HUNK: variants seen among roughly 807,000 people sequenced by gnomAD.
The protein encoded by HUNK is hormonally up-regulated neu tumor-associated kinase.
A neutral mutation model predicts 61.0 loss-of-function variants in HUNK; 21 were observed. The ratio of observed to expected loss-of-function variants is 0.34; its 90% CI spans 0.24 to 0.50. HUNK has a LOEUF of 0.50. Ranked by LOEUF, HUNK falls within the 20% of genes least tolerant of loss-of-function variation. The pLI, the probability that HUNK is intolerant of heterozygous loss-of-function variation, is 0.98. For synonymous variants in HUNK, 371 were observed against 386.1 expected (o/e 0.96, Z 0.46); for missense variants, 772 against 945.7 (o/e 0.82, Z 2.41).
chr21:32,002,719 C>T lies in HUNK; in HGVS notation c.*3535C>T, dbSNP rs1260492957. The T allele has an allele frequency of 6.6e-6, 1 of 152,148 alleles. No homozygotes were observed. Among genetic ancestry groups the T allele is most frequent in the East Asian group, 1.9e-4 (1 of 5,184 alleles). The allele number at this position is 152,148 out of a possible 1,614,324, so 9.4% of individuals were successfully genotyped here. A position where few individuals can be genotyped will look rare whatever the true frequency, so the allele number is the denominator to read the frequency against. On this transcript the variant is annotated 3_prime_UTR_variant, in exon 11 of 11. Coordinates refer to ENST00000270112, the MANE Select transcript of HUNK (RefSeq NM_014586.2). ...AATGGGAGGGTGGGATCTAGATGACCTCTTGAAATTGTCCCAGTTACTGCT... is the reference window on the plus strand; with the variant it reads ...AATGGGAGGGTGGGATCTAGATGACTTCTTGAAATTGTCCCAGTTACTGCT...
At chr21:31,955,298 A>G (rs1336918825) in intron 4 of HUNK, among the ~76,000 whole-genome samples, 6 of 86,486 alleles carry the variant, frequency 6.9e-5, no homozygotes, top group Non-Finnish European at 1.3e-4. Context: ...TGATAAAGAA[A>G]TACCAAAGCA....
chr21:31,942,587 C>T (rs922080595), intron 3 of HUNK, among the ~76,000 whole-genome samples: 5 of 152,132 alleles, frequency 3.3e-5, no homozygotes, highest in African/African-American at 1.2e-4. Flanking sequence ...TCAGAGCCCA[C>T]CCCTTCCCCT....
intron 7 of HUNK, among the ~76,000 whole-genome samples, chr21:31,979,864 C>A (rs1226521577): frequency 6.6e-6 from 1 of 152,102 alleles, no homozygotes; most frequent in Non-Finnish European, 1.5e-5. Context: ...AATATTTTAT[C>A]CCATTCCATA....
At chr21:31,965,277 A>G (rs1297631441) in intron 5 of HUNK, among the ~76,000 whole-genome samples, 1 of 151,840 alleles carries the variant, frequency 6.6e-6, no homozygotes, top group Non-Finnish European at 1.5e-5. Context: ...GAGGGGAACA[A>G]TAGACACTGG....
rs1419484769 is a variant in HUNK at position 31,972,360 on chromosome 21, C to CA, written c.1011-2194dup. Among the ~76,000 whole-genome samples the CA allele has an allele frequency of 8.5e-5, 13 of 152,232 alleles. 1 individual carries two copies. The highest frequency in any genetic ancestry group is 3.1e-4 in the African/African-American group (13 of 41,520). On this transcript the variant is annotated intron_variant, in intron 6 of 10. Transcript: ENST00000270112. ...TGTCATCCAAACATGAAGCCATATA[C>CA]AGATTGGTTAAGTGATACTTGAAAG... is the stretch of plus-strand genomic sequence containing the variant.
intron 1 of HUNK, among the ~76,000 whole-genome samples, chr21:31,875,579 A>ATTCGT (rs1193181031): frequency 1.3e-5 from 2 of 152,160 alleles, no homozygotes; most frequent in African/African-American, 2.4e-5. Flanking sequence ...ATTCGATTCG[A>ATTCGT]TTCGTAGTGA....
At position 31,893,312 on chromosome 21, in the gene HUNK, T is replaced by C. The variant is rs186008554; in HGVS notation, c.261+19377T>C. Among the ~76,000 whole-genome samples, 3 of 152,326 alleles carry C rather than the reference T, an allele frequency of 2.0e-5. No homozygotes were observed. The East Asian group carries it at 5.8e-4, about 29-fold the overall frequency. ...TTGTCTTGTTATGCAGATAAAAGTC[T>C]TCCAGGTAATAAAAAGTTACCTGGA... is the stretch of plus-strand genomic sequence containing the variant. On this transcript the variant is annotated intron_variant, in intron 1 of 10. Coordinates refer to ENST00000270112, the MANE Select transcript of HUNK (RefSeq NM_014586.2).
In HUNK at chr21:31,995,952, G is replaced by A. The variant is rs369629181; in HGVS notation, c.1486+4G>A. On this transcript the variant is annotated splice_donor_region_variant and intron_variant, in intron 10 of 10. Transcript: ENST00000270112. The stretch of plus-strand genomic sequence containing the variant: ...AAGTCCAGCTTCCCCGACAAAGGTG[G>A]GTCAGCTCTGGGGACTCTCTCAGGC... The A allele has an allele frequency of 6.2e-7, 1 of 1,611,018 alleles. No homozygotes were observed. The highest frequency in any genetic ancestry group is 1.7e-5 in the Admixed American group (1 of 59,820).
rs528977091 is a variant in HUNK at position 31,891,457 on chromosome 21, C to T, written c.261+17522C>T. On this transcript the variant is annotated intron_variant, in intron 1 of 10. Coordinates refer to ENST00000270112, the MANE Select transcript of HUNK (RefSeq NM_014586.2). The stretch of plus-strand genomic sequence containing the variant: ...CCTTATTTGAACATACGAACACACC[C>T]GTGATTGGCCCAGACTCTGACTGGT... 1.7e-3 allele frequency among the ~76,000 whole-genome samples: 252 copies of T among 152,290 alleles called. 1 individual carries two copies. Among genetic ancestry groups the T allele is most frequent in the African/African-American group, 5.6e-3 (234 of 41,558 alleles).
intron 4 of HUNK, among the ~76,000 whole-genome samples, chr21:31,953,265 G>A (rs1466929257): frequency 6.9e-6 from 1 of 145,786 alleles, no homozygotes; most frequent in African/African-American, 2.5e-5. Flanking sequence ...TTTTTGGGAT[G>A]GAGTTTCGCT....
intron 1 of HUNK, among the ~76,000 whole-genome samples, chr21:31,905,153 T>C (rs2052496613): frequency 6.6e-6 from 1 of 151,638 alleles, no homozygotes; most frequent in Non-Finnish European, 1.5e-5. Context: ...TTGGTGTCTT[T>C]ATAAGAAGAG....
rs751237471 is a variant in HUNK, at chr21:31,999,148, C to G, written c.2109C>G (p.Ala703=). 1 of 1,612,952 alleles carries G rather than the reference C, an allele frequency of 6.2e-7. No homozygotes were observed. Among genetic ancestry groups the G allele is most frequent in the Non-Finnish European group, 8.5e-7 (1 of 1,179,484 alleles). Residue 703 remains alanine (A), a synonymous_variant, in exon 11 of 11, where the codon GCC becomes GCG. Coordinates refer to ENST00000270112, the MANE Select transcript of HUNK (RefSeq NM_014586.2). ...PLQPLAPVNL[A]FDMADGVKTQ... is the part of the protein sequence containing the mutation. Reference sequence around the variant, plus strand: ...AGCCCCTAGCCCCTGTGAACCTTGCCTTTGACATGGCCGATGGGGTCAAGA... The same window carrying G: ...AGCCCCTAGCCCCTGTGAACCTTGCGTTTGACATGGCCGATGGGGTCAAGA...
chr21:31,876,006 A>C (rs2052259606), intron 1 of HUNK, among the ~76,000 whole-genome samples: 1 of 152,208 alleles, frequency 6.6e-6, no homozygotes, highest in South Asian at 2.1e-4. Context: ...TGCTGGGCCC[A>C]CTGGGAACCC....
chr21:31,930,220 C>T (rs1394912227), intron 2 of HUNK, among the ~76,000 whole-genome samples: 2 of 152,214 alleles, frequency 1.3e-5, no homozygotes, highest in Non-Finnish European at 2.9e-5. Context: ...TTGTGCCTCT[C>T]TTTCCACAGC....
chr21:31,953,542 A>G (rs1219520523), intron 4 of HUNK, among the ~76,000 whole-genome samples: 2 of 151,880 alleles, frequency 1.3e-5, no homozygotes, highest in Non-Finnish European at 2.9e-5. Flanking sequence ...CCAGGTTTCC[A>G]CTCTTATTTG....
At chr21:31,978,387 A>C (rs2053065708) in intron 7 of HUNK, among the ~76,000 whole-genome samples, 1 of 152,222 alleles carries the variant, frequency 6.6e-6, no homozygotes, top group South Asian at 2.1e-4. Flanking sequence ...ACTGTTATTA[A>C]CTATAGTCAC....
intron 1 of HUNK, among the ~76,000 whole-genome samples, chr21:31,889,972 T>G (rs1405515264): frequency 1.3e-5 from 2 of 152,138 alleles, no homozygotes; most frequent in Non-Finnish European, 2.9e-5. Context: ...TTTTCTATGA[T>G]CAACTATAAA....
chr21:31,978,701 G>C (rs1470053679), intron 7 of HUNK, among the ~76,000 whole-genome samples: 1 of 152,002 alleles, frequency 6.6e-6, no homozygotes, highest in Non-Finnish European at 1.5e-5. Flanking sequence ...TTATATATAG[G>C]TACCACACAC....
At chr21:31,954,974 G>A (rs1007194646) in intron 4 of HUNK, among the ~76,000 whole-genome samples, 13 of 151,952 alleles carry the variant, frequency 8.6e-5, no homozygotes, top group South Asian at 4.2e-4. Flanking sequence ...GTAGAAATGG[G>A]GTCTCACCAT....
Sources: gnomAD v4.1 joint callset for allele counts (sites outside exome capture counted in the v4.1 genomes callset) on GRCh38, gnomAD v4.1.1 for gene constraint, MANE v1.5 for transcripts, NCBI Gene and HGNC (gene_info 2026-07-23, HGNC 2026-07-21) for gene names.